The following VWF variants were observed in gnomAD, a reference collection of about 807,000 sequenced individuals.
VWF encodes von Willebrand factor, also known as Factor VIII related antigen.
Under a neutral mutation model 308.6 loss-of-function variants are expected in VWF, and 176 were observed. The ratio of observed to expected loss-of-function variants is 0.57; its 90% CI spans 0.50 to 0.65. VWF has a LOEUF of 0.65. Ranked by LOEUF, VWF falls within the 30% of genes least tolerant of loss-of-function variation. VWF has a pLI of 0.00. For missense variants in VWF, 3,146 were observed against 3,648.2 expected (o/e 0.86, Z 3.55); for synonymous variants, 1,385 against 1,443.4 (o/e 0.96, Z 0.92).
chr12:5,981,640 A>C, intron 42 of VWF, 146 bp downstream of exon 42: 1 of 979,214 alleles, frequency 1.0e-6, no homozygotes, highest in African/African-American at 1.6e-5. Context: ...TAGGATGCAA[A>C]TCTTCCATGA....
In VWF at chr12:6,011,759, G is replaced by A. The variant is rs756483628; in HGVS notation, c.5700C>T (p.His1900=). 1.2e-6 allele frequency: 2 copies of A among 1,613,412 alleles called. No individual in the cohort carries two copies. Among genetic ancestry groups the A allele is most frequent in the Admixed American group, 1.7e-5 (1 of 59,988 alleles). ...GDVWTLPDQC[H]TVTCQPDGQT... ...GGCCATCTGGCTGGCAAGTCACGGT[G>A]TGGCACTGGTCTGGCAAGGTCCAGA... The change falls in exon 34 of 52, where the codon CAC becomes CAT. Residue 1900 remains histidine (H), a synonymous_variant. Transcript: ENST00000261405.
chr12:6,068,654 T>A (rs748277591), intron 10 of VWF, among the ~76,000 whole-genome samples: 84 of 151,506 alleles, frequency 5.5e-4, no homozygotes, highest in Non-Finnish European at 8.1e-4. Flanking sequence ...GGGTTTTTTG[T>A]TTTTGTTTTT....
At chr12:6,102,651 C>T (rs1945178213) in intron 5 of VWF, among the ~76,000 whole-genome samples, 1 of 151,846 alleles carries the variant, frequency 6.6e-6, no homozygotes, top group Admixed American at 6.6e-5. Context: ...AGGAGAATGG[C>T]ATGAACCTGG....
chr12:5,966,028 AG>A (rs1165537362), intron 47 of VWF, among the ~76,000 whole-genome samples: 1 of 152,198 alleles, frequency 6.6e-6, no homozygotes, highest in African/African-American at 2.4e-5. Context: ...CCAGATACGG[AG>A]GAAGCGGCTG....
At position 6,044,462 on chromosome 12, in the gene VWF, G is replaced by C. The variant is rs1402137187; in HGVS notation, c.2282-11C>G. ...ATAGGCTCCTTTTGCCTCGAAGGTA[G>C]GAAAAGCAAAGAGATGATTAGTGAA... On this transcript the variant is annotated splice_polypyrimidine_tract_variant and intron_variant, in intron 17 of 51. Transcript: ENST00000261405. The C allele has an allele frequency of 1.2e-6, 2 of 1,613,738 alleles. No individual in the cohort carries two copies. Among genetic ancestry groups the C allele is most frequent in the Admixed American group, 3.3e-5 (2 of 59,968 alleles).
chr12:6,064,080 G>T (rs373187894), intron 12 of VWF, among the ~76,000 whole-genome samples, 166 bp downstream of exon 12: 100 of 152,332 alleles, frequency 6.6e-4, no homozygotes, highest in Non-Finnish European at 1.0e-3. Context: ...CTTTCTTGGA[G>T]GGATGCATGC....
At chr12:6,047,417 C>A (rs1440400630) in intron 16 of VWF, among the ~76,000 whole-genome samples, 1 of 152,218 alleles carries the variant, frequency 6.6e-6, no homozygotes, top group Non-Finnish European at 1.5e-5. Flanking sequence ...TCCTCCAGGG[C>A]TGATTCACTG....
chr12:6,084,126 G>A (rs928417866), intron 6 of VWF, among the ~76,000 whole-genome samples: 2 of 152,210 alleles, frequency 1.3e-5, no homozygotes, highest in South Asian at 4.1e-4. Context: ...AACTGACACA[G>A]ACAGCAGTAC....
At chr12:6,007,819 AAAGAG>A (rs1390918699) in intron 34 of VWF, among the ~76,000 whole-genome samples, 2 of 152,204 alleles carry the variant, frequency 1.3e-5, no homozygotes, top group African/African-American at 4.8e-5. Context: ...ACCAAGACAA[AAAGAG>A]AAGACTCAAA....
chr12:6,047,982 C>T (rs948725775), intron 16 of VWF, among the ~76,000 whole-genome samples: 6 of 152,242 alleles, frequency 3.9e-5, no homozygotes, highest in Non-Finnish European at 7.3e-5. Context: ...AATACCTGAC[C>T]TGCACATGAT....
chr12:5,989,077 C>T (rs77917414), intron 38 of VWF, among the ~76,000 whole-genome samples: 6,753 of 152,168 alleles, frequency 0.044, 495 homozygotes, highest in African/African-American at 0.15. Flanking sequence ...AAGGAGGCTA[C>T]GGGCCAGAGC....
Position 6,096,107 on chromosome 12 carries a change from A to AGATGGATG in VWF, c.533-531_533-524dup, listed in dbSNP as rs58581042. ...GGAGACTGAAGAAGGATGGATGGATAGATGGATGGATGGATGGATGGATGG... is the reference window on the plus strand; with the variant it reads ...GGAGACTGAAGAAGGATGGATGGATAGATGGATGGATGGATGGATGGATGGATGGATGG... On this transcript the variant is annotated intron_variant, in intron 5 of 51. Transcript: ENST00000261405. 627 of 156,074 alleles carry AGATGGATG rather than the reference A, an allele frequency of 4.0e-3. 2 individuals carry two copies. The highest frequency in any genetic ancestry group is 9.6e-3 in the Middle Eastern group (3 of 312). 9.7% of individuals were successfully genotyped at this position (156,074 alleles called of 1,614,324 possible).
intron 21 of VWF, 91 bp from the exon 22 acceptor site, chr12:6,029,579 T>C (rs897672853): frequency 1.9e-5 from 29 of 1,541,096 alleles, no homozygotes; most frequent in Non-Finnish European, 2.4e-5. Flanking sequence ...CCATCTGTCT[T>C]CAGTGCCCAC....
intron 34 of VWF, among the ~76,000 whole-genome samples, chr12:6,000,556 C>T (rs971564162): frequency 2.0e-5 from 3 of 151,954 alleles, no homozygotes; most frequent in African/African-American, 7.3e-5. Context: ...GCCTGGAATC[C>T]CAGAACTTTG....
chr12:5,974,331 C>T (rs1353472281), intron 43 of VWF, among the ~76,000 whole-genome samples: 2 of 152,140 alleles, frequency 1.3e-5, no homozygotes, highest in Admixed American at 1.3e-4. Context: ...AACATTCAGC[C>T]TCTAAGACAG....
At chr12:6,092,893 A>G (rs924995161) in intron 6 of VWF, among the ~76,000 whole-genome samples, 1 of 151,984 alleles carries the variant, frequency 6.6e-6, no homozygotes, top group African/African-American at 2.4e-5. Context: ...GCCTCCTCCC[A>G]TTATGAATAT....
intron 48 of VWF, among the ~76,000 whole-genome samples, chr12:5,953,097 C>T (rs1241780701): frequency 6.6e-6 from 1 of 152,052 alleles, no homozygotes; most frequent in Non-Finnish European, 1.5e-5. Flanking sequence ...TGTGGTGGCA[C>T]GTGCCTGCAG....
intron 18 of VWF, among the ~76,000 whole-genome samples, chr12:6,036,736 C>A (rs1450830332): frequency 6.6e-6 from 1 of 152,212 alleles, no homozygotes; most frequent in African/African-American, 2.4e-5. Context: ...TCCTCCCTGT[C>A]AACTAAAGAC....
chr12:6,001,344 GT>G (rs1323629515), intron 34 of VWF, among the ~76,000 whole-genome samples: 2 of 152,044 alleles, frequency 1.3e-5, no homozygotes, highest in African/African-American at 4.8e-5. Flanking sequence ...AAACAAAAAG[GT>G]TTTCAATTCG....
Sources: allele counts gnomAD v4.1 joint callset (sites outside exome capture counted in the v4.1 genomes callset), GRCh38; gene constraint gnomAD v4.1.1; transcripts MANE v1.5; gene names NCBI Gene and HGNC (gene_info 2026-07-23, HGNC 2026-07-21).